Variants in NDST4 observed in about 807,000 individuals in gnomAD.
NDST4 encodes N-heparan sulfate sulfotransferase 4.
A neutral mutation model predicts 100.8 loss-of-function variants in NDST4; 63 were observed. The observed-to-expected ratio is 0.62, with a 90% CI of 0.51 to 0.77. The LOEUF is 0.77. NDST4 is among the 30% of genes least tolerant of loss of function. The pLI, the probability that NDST4 is intolerant of heterozygous loss-of-function variation, is 0.00. For missense variants in NDST4, 943 were observed against 1,018.4 expected (o/e 0.93, Z 1.01); for synonymous variants, 377 against 361.8 (o/e 1.04, Z -0.48).
Position 115,022,172 on chromosome 4 carries a change from C to T in NDST4, c.979-44898G>A, listed in dbSNP as rs974013064. Among the ~76,000 whole-genome samples, 3 of 151,020 alleles carry T rather than the reference C, an allele frequency of 2.0e-5. 1 individual carries two copies. Among genetic ancestry groups the T allele is most frequent in the African/African-American group, 4.9e-5 (2 of 40,634 alleles). On this transcript the variant is annotated intron_variant, in intron 2 of 13. Transcript: ENST00000264363. ...ACGTTCCATATATATACACGTTCCACGTCTATGCACGTTCCATATATATAC... is the reference window on the plus strand; with the variant it reads ...ACGTTCCATATATATACACGTTCCATGTCTATGCACGTTCCATATATATAC...
intron 11 of NDST4, among the ~76,000 whole-genome samples, chr4:114,836,837 TC>T (rs1723315785): frequency 6.6e-6 from 1 of 152,174 alleles, no homozygotes; most frequent in Non-Finnish European, 1.5e-5. Flanking sequence ...TGTTCTCTAA[TC>T]TTGTCTTCAT....
chr4:114,992,616 G>A (rs76067659), intron 2 of NDST4, among the ~76,000 whole-genome samples: 2,927 of 150,742 alleles, frequency 0.019, 100 homozygotes, highest in African/African-American at 0.066. Flanking sequence ...ACAAAACTCA[G>A]ATAGAAAATA....
intron 6 of NDST4, among the ~76,000 whole-genome samples, chr4:114,916,536 CTGTGTGTGTGTGTG>C (rs537961796): frequency 6.0e-4 from 77 of 129,110 alleles, no homozygotes; most frequent in South Asian, 1.6e-3. Context: ...CTGGTAGGCT[CTGTGTGTGTGTGTG>C]TGTGTGTGTG....
intron 4 of NDST4, among the ~76,000 whole-genome samples, chr4:114,957,098 A>G (rs1335716617): frequency 6.6e-6 from 1 of 152,222 alleles, no homozygotes; most frequent in Non-Finnish European, 1.5e-5. Context: ...AGAGATAGAA[A>G]TATTAATAAA....
chr4:114,960,940 T>C (rs1318744630), intron 4 of NDST4, among the ~76,000 whole-genome samples: 1 of 152,108 alleles, frequency 6.6e-6, no homozygotes, highest in Non-Finnish European at 1.5e-5. Context: ...TATAACAATG[T>C]ATTGCTGAAT....
At position 115,079,467 on chromosome 4, in the gene NDST4, A is replaced by T. The variant is rs111955173; in HGVS notation, c.-246-2185T>A. ...TGTATAGATGATTCTGACTTCAATGAATTACTTTCTATACAAGCTTACTTC... is the reference window on the plus strand; with the variant it reads ...TGTATAGATGATTCTGACTTCAATGTATTACTTTCTATACAAGCTTACTTC... On this transcript the variant is annotated intron_variant, in intron 1 of 13. Transcript: ENST00000264363. 8.2e-3 allele frequency among the ~76,000 whole-genome samples: 1,255 copies of T among 152,178 alleles called. 21 individuals are homozygous for T. Among genetic ancestry groups the T allele is most frequent in the African/African-American group, 0.028 (1,168 of 41,522 alleles).
intron 2 of NDST4, among the ~76,000 whole-genome samples, chr4:115,002,224 G>A (rs538785803): frequency 1.1e-4 from 16 of 152,106 alleles, no homozygotes; most frequent in Non-Finnish European, 2.1e-4. Flanking sequence ...TCTCACTGTG[G>A]TTTTTATTTG....
intron 6 of NDST4, among the ~76,000 whole-genome samples, chr4:114,916,817 G>C (rs1297091026): frequency 6.6e-6 from 1 of 151,334 alleles, no homozygotes; most frequent in Admixed American, 6.6e-5. Flanking sequence ...ACAGTGCCTG[G>C]CTTCAGCAAA....
chr4:114,886,296 G>A (rs1208256605), intron 6 of NDST4, among the ~76,000 whole-genome samples: 2 of 152,090 alleles, frequency 1.3e-5, no homozygotes, highest in East Asian at 1.9e-4. Flanking sequence ...AAAAAGTCAA[G>A]AAGTGCTGAG....
chr4:114,854,632 C>A (rs1027332289), intron 7 of NDST4, among the ~76,000 whole-genome samples: 2 of 152,216 alleles, frequency 1.3e-5, no homozygotes, highest in Admixed American at 6.5e-5. Context: ...CCACACCCGG[C>A]TAATTTTTTG....
intron 6 of NDST4, among the ~76,000 whole-genome samples, chr4:114,906,499 G>T (rs1026705176): frequency 6.6e-6 from 1 of 151,592 alleles, no homozygotes; most frequent in African/African-American, 2.4e-5. Context: ...ATAAAGTTTT[G>T]GTTAACCCAT....
chr4:115,017,986 G>A (rs752501295), intron 2 of NDST4, among the ~76,000 whole-genome samples: 1 of 152,016 alleles, frequency 6.6e-6, no homozygotes, highest in East Asian at 1.9e-4. Flanking sequence ...ATGATGTTAT[G>A]ATTTATTAAT....
At chr4:114,922,226 C>G (rs914414859) in intron 6 of NDST4, among the ~76,000 whole-genome samples, 1 of 152,152 alleles carries the variant, frequency 6.6e-6, no homozygotes, top group Non-Finnish European at 1.5e-5. Flanking sequence ...AGGAGTGAAG[C>G]GAGCAGGCTC....
chr4:114,913,322 T>A (rs1470596039), intron 6 of NDST4, among the ~76,000 whole-genome samples: 1 of 152,002 alleles, frequency 6.6e-6, no homozygotes, highest in East Asian at 1.9e-4. Flanking sequence ...GGAAGAAAAC[T>A]TGGGACATGA....
intron 7 of NDST4, among the ~76,000 whole-genome samples, chr4:114,855,977 G>A (rs7673354): frequency 0.073 from 11,162 of 152,028 alleles, 467 homozygotes; most frequent in African/African-American, 0.09. Context: ...AAATGTGAAA[G>A]TGTTGACACT....
intron 1 of NDST4, among the ~76,000 whole-genome samples, chr4:115,087,570 G>A (rs1406595558): frequency 6.6e-6 from 1 of 151,578 alleles, no homozygotes; most frequent in East Asian, 1.9e-4. Context: ...TATGCTAATG[G>A]AGTTCATGTG....
chr4:115,010,815 C>T (rs537087709), intron 2 of NDST4, among the ~76,000 whole-genome samples: 3 of 152,066 alleles, frequency 2.0e-5, no homozygotes, highest in South Asian at 2.1e-4. Context: ...CTTTCAAACA[C>T]AATTCAGTTT....
intron 6 of NDST4, among the ~76,000 whole-genome samples, chr4:114,915,742 C>T (rs1725153930): frequency 6.6e-6 from 1 of 151,664 alleles, no homozygotes; most frequent in African/African-American, 2.4e-5. Flanking sequence ...TGTAATATTA[C>T]TACATATTTT....
intron 6 of NDST4, among the ~76,000 whole-genome samples, chr4:114,887,876 A>G (rs72899268): frequency 0.078 from 11,843 of 152,146 alleles, 512 homozygotes; most frequent in African/African-American, 0.1. Flanking sequence ...GTCTTTAATG[A>G]TAGATAAAAG....
Sources: gnomAD v4.1 joint callset for allele counts (sites outside exome capture counted in the v4.1 genomes callset) on GRCh38, gnomAD v4.1.1 for gene constraint, MANE v1.5 for transcripts, NCBI Gene and HGNC (gene_info 2026-07-23, HGNC 2026-07-21) for gene names.